Variants in ZNF550 observed in about 807,000 individuals in gnomAD.
ZNF550 encodes zinc finger protein 550.
Under a neutral mutation model 40.2 loss-of-function variants are expected in ZNF550, and 42 were observed. The ratio of observed to expected loss-of-function variants is 1.05; its 90% CI spans 0.82 to 1.35. ZNF550 has a LOEUF of 1.35. Among genes scored for constraint, ZNF550 ranks in the 40% most tolerant of loss-of-function variants. The pLI is 0.00. For synonymous variants in ZNF550, 223 were observed against 198.6 expected (o/e 1.12, Z -1.03); for missense variants, 549 against 525.2 (o/e 1.05, Z -0.44).
chr19:57,552,572 C>A, intron 3 of ZNF550, 55 bp downstream of exon 3: 2 of 1,361,514 alleles, frequency 1.5e-6, no homozygotes, highest in South Asian at 1.2e-5. Context: ...CAGTGGTGCC[C>A]TCACATTATC....
rs553005472 is a variant in ZNF550, at chr19:57,548,527, TATC to T, written c.251-537_251-535del. Among the ~76,000 whole-genome samples, 882 of 152,176 alleles carry T rather than the reference TATC, an allele frequency of 5.8e-3. 6 individuals are homozygous for T. Among genetic ancestry groups the T allele is most frequent in the African/African-American group, 0.019 (773 of 41,490 alleles). The stretch of plus-strand genomic sequence containing the variant: ...AATGCAAATCAAAACTACAATAAGG[TATC>T]ATCTCATCCTAGTCAAAATGGCTTT... On this transcript the variant is annotated intron_variant, in intron 3 of 4. Coordinates refer to ENST00000457177, the Ensembl canonical transcript of ZNF550.
At chr19:57,552,649 G>C in exon 3 of ZNF550, 1 of 1,597,804 alleles carries the variant, frequency 6.3e-7, no homozygotes, top group Non-Finnish European at 8.5e-7. Flanking sequence ...CATGTGAGAG[G>C]CCTCTCTTCA....
exon 4 of ZNF550, chr19:57,546,778 A>C: frequency 7.3e-7 from 1 of 1,369,232 alleles, no homozygotes; most frequent in South Asian, 2.0e-5. Flanking sequence ...GGATCCTTAC[A>C]TTCACTGTAT....
chr19:57,544,075 C>T (rs1370440664), intron 4 of ZNF550: 1 of 985,298 alleles, frequency 1.0e-6, no homozygotes, highest in African/African-American at 1.7e-5. Flanking sequence ...CAATATATTG[C>T]ACCTGTTCTC....
intron 4 of ZNF550, chr19:57,544,536 CAA>C: frequency 1.0e-6 from 1 of 985,358 alleles, no homozygotes; most frequent in Non-Finnish European, 1.2e-6. Context: ...TGGGGGTCCT[CAA>C]GAGTCAACTC....
At chr19:57,546,066 A>G (rs1350271625) in intron 4 of ZNF550, among the ~76,000 whole-genome samples, 1 of 152,084 alleles carries the variant, frequency 6.6e-6, no homozygotes, top group Admixed American at 6.5e-5. Context: ...AGTCTTAGGT[A>G]TTGCACATTT....
chr19:57,545,173 G>A (rs1329312144), intron 4 of ZNF550, among the ~76,000 whole-genome samples: 2 of 152,182 alleles, frequency 1.3e-5, no homozygotes, highest in African/African-American at 4.8e-5. Flanking sequence ...AAGGGACTAA[G>A]GTCATGGTGG....
exon 4 of ZNF550, chr19:57,546,827 G>T: frequency 7.1e-7 from 1 of 1,413,464 alleles, no homozygotes. Context: ...TCATGTGTTA[G>T]TTAAGAAAGA....
chr19:57,556,143 A>C, intron 2 of ZNF550, 88 bp downstream of exon 2: 3 of 1,564,246 alleles, frequency 1.9e-6, no homozygotes, highest in South Asian at 1.1e-5. Context: ...AGGTCTGTCA[A>C]GAGAAAGGTG....
At chr19:57,546,565 T>A (rs2090011797) in exon 4 of ZNF550, 1 of 996,006 alleles carries the variant, frequency 1.0e-6, no homozygotes, top group Admixed American at 5.4e-5. Context: ...CAAAGTTTTC[T>A]CACATCAATA....
exon 1 of ZNF550, chr19:57,559,818 AAC>A (rs1377788346): frequency 4.1e-6 from 3 of 739,178 alleles, no homozygotes; most frequent in South Asian, 4.8e-5. Flanking sequence ...AGCGCGGACC[AAC>A]ACGCCCCACC....
At chr19:57,546,193 A>C (rs1326031505) in intron 4 of ZNF550, among the ~76,000 whole-genome samples, 3 of 152,178 alleles carry the variant, frequency 2.0e-5, no homozygotes, top group African/African-American at 7.2e-5. Flanking sequence ...TAAATTCAAG[A>C]ATCTCATGAC....
exon 5 of ZNF550, chr19:57,542,671 A>G (rs1162055521): frequency 6.6e-6 from 1 of 152,224 alleles, no homozygotes; most frequent in Non-Finnish European, 1.5e-5. Flanking sequence ...AAAAACTCCA[A>G]AGAAAAAAAA....
chr19:57,555,291 A>C (rs1324363341), intron 2 of ZNF550: 1 of 152,094 alleles, frequency 6.6e-6, no homozygotes, highest in Non-Finnish European at 1.5e-5. Context: ...AAAGAAATGA[A>C]CTGCACTGGG....
At chr19:57,558,454 A>G (rs537664327) in intron 1 of ZNF550, among the ~76,000 whole-genome samples, 1 of 152,348 alleles carries the variant, frequency 6.6e-6, no homozygotes, top group African/African-American at 2.4e-5. Context: ...GGCCTATTCA[A>G]TCATCAACCA....
intron 4 of ZNF550, chr19:57,543,610 T>C (rs2089980770): frequency 1.0e-6 from 1 of 985,370 alleles, no homozygotes; most frequent in Non-Finnish European, 1.2e-6. Context: ...GTTCATTAAA[T>C]GTAACAAAGT....
chr19:57,551,439 G>C lies in ZNF550; in HGVS notation c.250+1188C>G, dbSNP rs369270984. Among the ~76,000 whole-genome samples, 8 of 151,916 alleles carry C rather than the reference G, an allele frequency of 5.3e-5. 1 individual carries two copies. The highest frequency in any genetic ancestry group is 1.9e-4 in the African/African-American group (8 of 41,468). ...GAGCCCGGACTAGGGTGTTGGTGAA[G>C]GAGCCAAGGGAAGCAGTGGAAGTGA... On this transcript the variant is annotated intron_variant, in intron 3 of 4. Transcript: ENST00000457177.
chr19:57,547,481 C>A (rs767495002), exon 4 of ZNF550: 5 of 1,614,134 alleles, frequency 3.1e-6, no homozygotes, highest in Non-Finnish European at 4.2e-6. Flanking sequence ...GGTTTCTCCC[C>A]GGTGTGGATG....
intron 4 of ZNF550, chr19:57,544,099 A>G (rs1340161879): frequency 5.1e-6 from 5 of 985,286 alleles, no homozygotes; most frequent in African/African-American, 3.5e-5. Context: ...TGTTTTTCCT[A>G]TATTAGACAG....
Sources: allele counts gnomAD v4.1 joint callset (sites outside exome capture counted in the v4.1 genomes callset), GRCh38; gene constraint gnomAD v4.1.1; transcripts MANE v1.5; gene names NCBI Gene and HGNC (gene_info 2026-07-23, HGNC 2026-07-21).